PLEKHG3: variants seen among roughly 807,000 people sequenced by gnomAD.
PLEKHG3 encodes pleckstrin homology domain-containing family G member 3.
A neutral mutation model predicts 94.9 loss-of-function variants in PLEKHG3; 62 were observed. That is an observed-to-expected ratio of 0.65 (90% confidence interval 0.53 to 0.81). PLEKHG3 has a LOEUF of 0.81. Among genes scored for constraint, PLEKHG3 ranks in the 30% least tolerant of loss-of-function variants. PLEKHG3 has a pLI of 0.00. For synonymous variants in PLEKHG3, 614 were observed against 654.0 expected, an observed-to-expected ratio of 0.94 and a Z score of 0.93; for missense variants, 1,461 against 1,619.3, an observed-to-expected ratio of 0.90 and a Z score of 1.68.
chr14:64,741,369 A>G lies in PLEKHG3; in HGVS notation c.1852A>G (p.Ser618Gly). 1 of 1,613,436 alleles carries G rather than the reference A, an allele frequency of 6.2e-7. No individual in the cohort carries two copies. Among genetic ancestry groups the G allele is most frequent in the Non-Finnish European group, 8.5e-7 (1 of 1,180,032 alleles). ...TGTCAGCAGCTTCTCTCGGCGGAGC[A>G]GCGTGGCACAGGAGGACAGCAAGTC... is the stretch of plus-strand genomic sequence containing the variant. ...RFVSSFSRRS[S>G]VAQEDSKSSG... Residue 618 changes from serine to glycine, a missense_variant, in exon 16 of 17, where the codon AGC (serine) becomes GGC (glycine). This residue lies in a region of PLEKHG3 where 1,201 missense variants were observed against 1,295.5 expected (regional missense o/e 0.93). Coordinates refer to ENST00000247226, the MANE Select transcript of PLEKHG3 (RefSeq NM_001308147.2).
chr14:64,707,080 C>T (rs1594651341), intron 1 of PLEKHG3, among the ~76,000 whole-genome samples: 1 of 152,242 alleles, frequency 6.6e-6, no homozygotes, highest in South Asian at 2.1e-4. Flanking sequence ...ACTGCTCTGT[C>T]CCGCCTCTCT....
rs1474187592 is a variant in PLEKHG3 at position 64,722,511 on chromosome 14, C to T, written c.-39-5082C>T. On this transcript the variant is annotated intron_variant, in intron 1 of 16. Coordinates refer to ENST00000247226, the MANE Select transcript of PLEKHG3 (RefSeq NM_001308147.2). This position sits in a 1 kb window ranked among gnomAD's most constrained non-coding sequence, Gnocchi z 4.3. ...CTGGGATTACAGGCGTGAGCCACTG[C>T]GCCTGGCCACGAGGACTTTCCCTGT... Among the ~76,000 whole-genome samples, 2 of 152,174 alleles carry T rather than the reference C, an allele frequency of 1.3e-5. No homozygotes were observed. Among genetic ancestry groups the T allele is most frequent in the South Asian group, 2.1e-4 (1 of 4,836 alleles).
intron 1 of PLEKHG3, among the ~76,000 whole-genome samples, chr14:64,724,136 G>T (rs1381842182): frequency 6.6e-6 from 1 of 151,954 alleles, no homozygotes; most frequent in African/African-American, 2.4e-5. Flanking sequence ...GAGCACCAGG[G>T]GAGGCACTTT....
In PLEKHG3 at chr14:64,731,499, A is replaced by T. The variant is rs1171145677; in HGVS notation, c.988A>T (p.Thr330Ser). The change falls in exon 8 of 17, where the codon ACC becomes TCC. Residue 330 changes from threonine to serine, a missense_variant. Thr to Ser is a moderately conservative substitution (Grantham distance 58). Coordinates refer to ENST00000247226, the MANE Select transcript of PLEKHG3 (RefSeq NM_001308147.2). This position sits in a 1 kb window ranked among gnomAD's most constrained non-coding sequence, Gnocchi z 6.1. ...CCTCTTTGACAAAACACTGCTTATC[A>T]CCAAGAAGCGGGGCGATCACTTTGT... ...FFLFDKTLLI[T>S]KKRGDHFVYK... is the part of the protein sequence containing the mutation. 15 of 1,613,926 alleles carry T rather than the reference A, an allele frequency of 9.3e-6. No individual in the cohort carries two copies. Among genetic ancestry groups the T allele is most frequent in the Non-Finnish European group, 1.3e-5 (15 of 1,180,026 alleles).
At chr14:64,737,983 A>C (rs759719839) in intron 14 of PLEKHG3, 10 of 1,221,352 alleles carry the variant, frequency 8.2e-6, no homozygotes, top group Non-Finnish European at 9.5e-6. Flanking sequence ...GTGGTGGAGG[A>C]GGAGGAGGAG....
intron 1 of PLEKHG3, among the ~76,000 whole-genome samples, chr14:64,708,233 G>A: frequency 6.6e-6 from 1 of 152,154 alleles, no homozygotes; most frequent in Non-Finnish European, 1.5e-5. Flanking sequence ...GGATGACAGG[G>A]GCAGCCCTGA....
rs1349391110 is a variant in PLEKHG3 at position 64,738,240 on chromosome 14, G to C, written c.1405-502G>C. 7.8e-7 allele frequency: 1 copy of C among 1,279,452 alleles called. No individual in the cohort carries two copies. The highest frequency in any genetic ancestry group is 1.5e-5 in the African/African-American group (1 of 65,588). 79.3% of individuals were successfully genotyped at this position (1,279,452 alleles called of 1,614,324 possible). ...GGGCGCTATGGTGAGGTGTCTCTTC[G>C]ATCTCCCCTCCTCCTTGCATGCTCC... On this transcript the variant is annotated intron_variant, in intron 14 of 16. Transcript: ENST00000247226. This position sits in a 1 kb window ranked among gnomAD's most constrained non-coding sequence, Gnocchi z 4.8.
In PLEKHG3 at chr14:64,727,760, G is replaced by A; in HGVS notation, c.129G>A (p.Glu43=). 6.8e-6 allele frequency: 11 copies of A among 1,611,724 alleles called. No individual in the cohort carries two copies. The highest frequency in any genetic ancestry group is 2.2e-5 in the South Asian group (2 of 91,034). The change falls in exon 2 of 17, where the codon GAG becomes GAA. Residue 43 remains glutamate (E), a synonymous_variant. Transcript: ENST00000247226. This position sits in a 1 kb window ranked among gnomAD's most constrained non-coding sequence, Gnocchi z 6.0. ...CCATGGAGGAGCCCAGCAGCTCCGA[G>A]GCTCCCGCCAAGAATGGGGCAGGCT... The part of the protein sequence containing the change: ...RSAMEEPSSS[E]APAKNGAGSL...
Position 64,749,918 on chromosome 14 carries a change from G to A in PLEKHG3, c.*6215G>A, listed in dbSNP as rs2081918026. On this transcript the variant is annotated 3_prime_UTR_variant, in exon 17 of 17. Transcript: ENST00000247226. This position sits in a 1 kb window ranked among gnomAD's most constrained non-coding sequence, Gnocchi z 4.7. Reference sequence around the variant, plus strand: ...CACTGGTCCCCTACAGAGGGCCTCTGCCCTGCCACTAATGCCAAATCAAGC... The same window carrying A: ...CACTGGTCCCCTACAGAGGGCCTCTACCCTGCCACTAATGCCAAATCAAGC... 6.2e-7 allele frequency: 1 copy of A among 1,607,576 alleles called. No individual in the cohort carries two copies. The highest frequency in any genetic ancestry group is 1.3e-5 in the African/African-American group (1 of 74,942).
rs147473914 is a variant in PLEKHG3 at position 64,715,234 on chromosome 14, G to A, written c.-40+10530G>A. Among the ~76,000 whole-genome samples, 48 of 152,278 alleles carry A rather than the reference G, an allele frequency of 3.2e-4. No homozygotes were observed. The highest frequency in any genetic ancestry group is 5.7e-4 in the Non-Finnish European group (39 of 68,014). ...GTTACTTGTAAAAAAAGCAAAAAGT[G>A]CATGAGAGCATTCCTATGAGGTAGG... On this transcript the variant is annotated intron_variant, in intron 1 of 16. Coordinates refer to ENST00000247226, the MANE Select transcript of PLEKHG3 (RefSeq NM_001308147.2). The surrounding 1 kb of genome is among the most constrained non-coding windows in gnomAD (Gnocchi z 4.4).
At chr14:64,733,169 T>TC (rs1223349794) in intron 12 of PLEKHG3, among the ~76,000 whole-genome samples, 1 of 126,250 alleles carries the variant, frequency 7.9e-6, no homozygotes, top group Non-Finnish European at 1.8e-5. Flanking sequence ...TTTTTCTTTT[T>TC]TTTTTTTTTT....
rs760680778 is a variant in PLEKHG3 at position 64,731,145 on chromosome 14, G to A, written c.825G>A (p.Arg275=). The A allele has an allele frequency of 2.5e-6, 4 of 1,612,748 alleles. No individual in the cohort carries two copies. In the African/African-American group the frequency reaches 5.3e-5, roughly 22 times the overall value. The change falls in exon 7 of 17, where the codon AGG becomes AGA. Residue 275 remains arginine (R), a synonymous_variant. Coordinates refer to ENST00000247226, the MANE Select transcript of PLEKHG3 (RefSeq NM_001308147.2). The surrounding 1 kb of genome is among the most constrained non-coding windows in gnomAD (Gnocchi z 6.1). ...VAWYINDMKR[R]HEHAVRLQEI... is the part of the protein sequence containing the mutation. ...GGTACATCAACGACATGAAGAGGAG[G>A]CATGAGCACGCGGTCCGGCTCCAGG...
At chr14:64,740,006 AT>A (rs2081654965) in intron 15 of PLEKHG3, among the ~76,000 whole-genome samples, 1 of 152,220 alleles carries the variant, frequency 6.6e-6, no homozygotes, top group African/African-American at 2.4e-5. Context: ...TTAGTAGTAT[AT>A]TTTATTTAAC....
Position 64,738,239 on chromosome 14 carries a change from C to A in PLEKHG3, c.1405-503C>A. On this transcript the variant is annotated intron_variant, in intron 14 of 16. Coordinates refer to ENST00000247226, the MANE Select transcript of PLEKHG3 (RefSeq NM_001308147.2). The surrounding 1 kb of genome is among the most constrained non-coding windows in gnomAD (Gnocchi z 4.8). ...GGGGCGCTATGGTGAGGTGTCTCTT[C>A]GATCTCCCCTCCTCCTTGCATGCTC... 1 of 1,279,676 alleles carries A rather than the reference C, an allele frequency of 7.8e-7. No homozygotes were observed. The highest frequency in any genetic ancestry group is 1.0e-6 in the Non-Finnish European group (1 of 981,502). 79.3% of individuals were successfully genotyped at this position (1,279,676 alleles called of 1,614,324 possible).
At chr14:64,713,699 G>A (rs575560384) in intron 1 of PLEKHG3, among the ~76,000 whole-genome samples, 21 of 152,182 alleles carry the variant, frequency 1.4e-4, no homozygotes, top group African/African-American at 4.6e-4. Context: ...GAGGACTAAA[G>A]TCTATCCTTA....
chr14:64,749,054 C>T lies in PLEKHG3; in HGVS notation c.*5351C>T. On this transcript the variant is annotated 3_prime_UTR_variant, in exon 17 of 17. Coordinates refer to ENST00000247226, the MANE Select transcript of PLEKHG3 (RefSeq NM_001308147.2). This position sits in a 1 kb window ranked among gnomAD's most constrained non-coding sequence, Gnocchi z 4.7. ...CGTTTCCTGCCCCCAGGCCTGGAGG[C>T]CCCAAAGGCGCCAGAGGAGCTGGGA... 2.4e-6 allele frequency: 1 copy of T among 424,466 alleles called. No individual in the cohort carries two copies. Among genetic ancestry groups the T allele is most frequent in the Non-Finnish European group, 4.2e-6 (1 of 236,132 alleles). The allele number at this position is 424,466 out of a possible 1,614,324, so 26.3% of individuals were successfully genotyped here.
chr14:64,719,554 C>T (rs2081227945), intron 1 of PLEKHG3, among the ~76,000 whole-genome samples: 1 of 151,986 alleles, frequency 6.6e-6, no homozygotes, highest in Non-Finnish European at 1.5e-5. Flanking sequence ...CAAATGGGGT[C>T]TGCCTGACTC....
chr14:64,707,016 A>T (rs1373175728), intron 1 of PLEKHG3, among the ~76,000 whole-genome samples: 2 of 152,156 alleles, frequency 1.3e-5, no homozygotes, highest in African/African-American at 2.4e-5. Context: ...GGCTGTCTTC[A>T]GCTCCTCATC....
Position 64,722,827 on chromosome 14 carries a change from G to A in PLEKHG3, c.-39-4766G>A, listed in dbSNP as rs990268301. ...GGCCTGGGAGGGAGAGCCAGTGGGA[G>A]TGGGCTGACTCCTGGGCATTCCCCA... On this transcript the variant is annotated intron_variant, in intron 1 of 16. Coordinates refer to ENST00000247226, the MANE Select transcript of PLEKHG3 (RefSeq NM_001308147.2). The surrounding 1 kb of genome is among the most constrained non-coding windows in gnomAD (Gnocchi z 4.3). 6.6e-6 allele frequency among the ~76,000 whole-genome samples: 1 copy of A among 152,234 alleles called. No individual in the cohort carries two copies. The highest frequency in any genetic ancestry group is 6.5e-5 in the Admixed American group (1 of 15,290).
Sources: gnomAD v4.1 joint callset for allele counts (sites outside exome capture counted in the v4.1 genomes callset) on GRCh38, gnomAD v4.1.1 for gene constraint, gnomAD v4.1.1 regional missense constraint, Gnocchi (gnomAD v3.1) non-coding constraint, MANE v1.5 for transcripts, NCBI Gene and HGNC (gene_info 2026-07-23, HGNC 2026-07-21) for gene names.